VGLL3: variants seen among roughly 807,000 people sequenced by gnomAD.
VGLL3 encodes transcription cofactor vestigial-like protein 3.
In VGLL3, 18 loss-of-function variants were observed where a neutral mutation model predicts 29.2. That is an observed-to-expected ratio of 0.62 (90% CI 0.43 to 0.91). VGLL3 has a LOEUF of 0.91. VGLL3 is among the 40% of genes least tolerant of loss of function. The pLI, the probability that VGLL3 is intolerant of heterozygous loss-of-function variation, is 0.00. For synonymous variants in VGLL3, 180 were observed against 151.8 expected (o/e 1.19, Z -1.36); for missense variants, 440 against 413.2 (o/e 1.06, Z -0.56).
At chr3:86,972,659 G>A (rs1488979449) in intron 2 of VGLL3, among the ~76,000 whole-genome samples, 1 of 152,036 alleles carries the variant, frequency 6.6e-6, no homozygotes, top group Non-Finnish European at 1.5e-5. Context: ...AAAACTGCAT[G>A]GGCTATTTCT....
intron 1 of VGLL3, among the ~76,000 whole-genome samples, chr3:86,979,776 T>C (rs1427348086): frequency 3.9e-5 from 6 of 152,070 alleles, no homozygotes; most frequent in African/African-American, 1.4e-4. Context: ...GACATGTGTG[T>C]GCATATATAT....
rs539720444 is a variant in VGLL3, at chr3:86,987,239, G to A, written c.126+3379C>T. ...CCAGGGCTTTTTTCTCTGACAAACC[G>A]AATTGCAGAACAATTTTATGACTCA... On this transcript the variant is annotated intron_variant, in intron 1 of 3. Transcript: ENST00000398399. Among the ~76,000 whole-genome samples the A allele has an allele frequency of 9.9e-5, 15 of 152,152 alleles. No homozygotes were observed. In the East Asian group the frequency reaches 2.5e-3, roughly 25 times the overall value.
rs555039543 is a variant in VGLL3, at chr3:86,950,247, GA to G, written c.938-3181del. On this transcript the variant is annotated intron_variant, in intron 3 of 3. Transcript: ENST00000398399. ...GACTGTGAGATTTTTCAGTAGAAAG[GA>G]AAAAAAATCATAAAAATGAAGTGAC... is the stretch of plus-strand genomic sequence containing the variant. Among the ~76,000 whole-genome samples the G allele has an allele frequency of 6.6e-5, 10 of 151,592 alleles. 1 individual carries two copies. Among genetic ancestry groups the G allele is most frequent in the Non-Finnish European group, 1.0e-4 (7 of 67,878 alleles).
At chr3:86,962,603 C>T in intron 3 of VGLL3, 1 of 955,684 alleles carries the variant, frequency 1.0e-6, no homozygotes, top group Non-Finnish European at 1.2e-6. Context: ...CATATATATG[C>T]TCTTTGAAAA....
chr3:86,984,118 A>G (rs1466933796), intron 1 of VGLL3, among the ~76,000 whole-genome samples: 7 of 152,212 alleles, frequency 4.6e-5, no homozygotes, highest in Non-Finnish European at 8.8e-5. Context: ...AGATTAAACA[A>G]TGTCATGCTT....
rs1347546869 is a variant in VGLL3, at chr3:86,969,093, C to T, written c.434G>A (p.Ser145Asn). The change falls in exon 3 of 4, where the codon AGT becomes AAT. Residue 145 changes from serine (S) to asparagine (N), a missense_variant. By Grantham distance (46) the Ser-to-Asn change is conservative. Transcript: ENST00000398399. ...DSSALSSQRN[S>N]FPTSFWTSSY... ...GCTGGTCCAAAAGGAAGTTGGGAAA[C>T]TATTCCGCTGGCTTGAGAGAGCTGA... 4.4e-6 allele frequency: 7 copies of T among 1,606,560 alleles called. No individual in the cohort carries two copies. In the African/African-American group the frequency reaches 8.0e-5, roughly 18 times the overall value.
intron 3 of VGLL3, among the ~76,000 whole-genome samples, chr3:86,955,874 A>G (rs2106977169): frequency 6.6e-6 from 1 of 152,354 alleles, no homozygotes; most frequent in African/African-American, 2.4e-5. Flanking sequence ...TGTTAAAAAA[A>G]TTATGAATTA....
In VGLL3 at chr3:86,956,795, A is replaced by C. The variant is rs1350887482; in HGVS notation, c.938-9728T>G. Among the ~76,000 whole-genome samples the C allele has an allele frequency of 1.5e-3, 135 of 88,412 alleles. 1 individual carries two copies. The highest frequency in any genetic ancestry group is 3.8e-3 in the Non-Finnish European group (122 of 31,712). The allele number at this position is 88,412 out of a possible 152,430, so 58.0% of individuals were successfully genotyped here. On this transcript the variant is annotated intron_variant, in intron 3 of 3. Transcript: ENST00000398399. ...GCGAGACTCCGTCCCACCGTCCCAA[A>C]AAAAAAAAAAAAAAAAAAGAAAGAA...
At chr3:86,971,902 C>T (rs1357953332) in intron 2 of VGLL3, among the ~76,000 whole-genome samples, 1 of 152,220 alleles carries the variant, frequency 6.6e-6, no homozygotes, top group African/African-American at 2.4e-5. Context: ...CCAAAGCCTT[C>T]ATTCTGCTCC....
rs1194729577 is a variant in VGLL3, at chr3:86,946,144, G to A, written c.*880C>T. 6.6e-6 allele frequency: 1 copy of A among 152,040 alleles called. No homozygotes were observed. The highest frequency in any genetic ancestry group is 1.9e-4 in the East Asian group (1 of 5,192). The allele number at this position is 152,040 out of a possible 1,614,324, so 9.4% of individuals were successfully genotyped here. ...GGTTCCATTTATCAAATTTGGATGG[G>A]CTAGAAAGAGAATTAGTCTCCTCTA... On this transcript the variant is annotated 3_prime_UTR_variant, in exon 4 of 4. Transcript: ENST00000398399.
intron 3 of VGLL3, among the ~76,000 whole-genome samples, chr3:86,953,993 C>T (rs1351494721): frequency 6.6e-6 from 1 of 152,092 alleles, no homozygotes; most frequent in Non-Finnish European, 1.5e-5. Flanking sequence ...CTTATAATTA[C>T]AATTCTTGCA....
chr3:86,978,368 G>T (rs541423917), intron 2 of VGLL3, among the ~76,000 whole-genome samples, 158 bp downstream of exon 2: 1 of 152,266 alleles, frequency 6.6e-6, no homozygotes, highest in African/African-American at 2.4e-5. Context: ...TGACAAAACC[G>T]ATCCAGCTGT....
At chr3:86,953,583 C>G (rs559022168) in intron 3 of VGLL3, among the ~76,000 whole-genome samples, 76 of 151,832 alleles carry the variant, frequency 5.0e-4, no homozygotes, top group African/African-American at 1.8e-3. Flanking sequence ...AAGTTTGTAC[C>G]CATATTTATA....
At chr3:86,969,144 A>G (rs756644400) in intron 2 of VGLL3, 21 bp from the exon 3 acceptor site, 1 of 1,537,232 alleles carries the variant, frequency 6.5e-7, no homozygotes, top group East Asian at 2.3e-5. Context: ...AGAAAATAAA[A>G]AACATTATTA....
In VGLL3 at chr3:86,939,636, C is replaced by T. The variant is rs946839445; in HGVS notation, c.*7388G>A. 3.3e-5 allele frequency: 5 copies of T among 152,832 alleles called. No individual in the cohort carries two copies. Among genetic ancestry groups the T allele is most frequent in the Non-Finnish European group, 7.3e-5 (5 of 68,748 alleles). The allele number at this position is 152,832 out of a possible 1,614,324, so 9.5% of individuals were successfully genotyped here. Reference sequence around the variant, plus strand: ...AAGACTCCATCAAAACAAAACAAAACAAAACAAAACAAAAAAACAAAACAG... The same window carrying T: ...AAGACTCCATCAAAACAAAACAAAATAAAACAAAACAAAAAAACAAAACAG... On this transcript the variant is annotated 3_prime_UTR_variant, in exon 4 of 4. Coordinates refer to ENST00000398399, the MANE Select transcript of VGLL3 (RefSeq NM_016206.4).
intron 3 of VGLL3, among the ~76,000 whole-genome samples, chr3:86,950,651 T>A (rs1000425863): frequency 6.6e-6 from 1 of 152,160 alleles, no homozygotes; most frequent in Non-Finnish European, 1.5e-5. Flanking sequence ...CCCTCAGGGA[T>A]TTTTTAAAAA....
rs1334619814 is a variant in VGLL3 at position 86,944,983 on chromosome 3, AT to A, written c.*2040del. ...AAATCCAGATTTATAAATTCACTAA[AT>A]TTTGTGCTCCATGTATTTGGGCAAA... On this transcript the variant is annotated 3_prime_UTR_variant, in exon 4 of 4. Transcript: ENST00000398399. The A allele has an allele frequency of 6.6e-6, 1 of 152,168 alleles. No individual in the cohort carries two copies. The highest frequency in any genetic ancestry group is 6.5e-5 in the Admixed American group (1 of 15,268). The allele number at this position is 152,168 out of a possible 1,614,324, so 9.4% of individuals were successfully genotyped here. A position where few individuals can be genotyped will look rare whatever the true frequency, so the allele number is the denominator to read the frequency against.
chr3:86,949,603 G>A (rs1024723458), intron 3 of VGLL3, among the ~76,000 whole-genome samples: 14 of 151,888 alleles, frequency 9.2e-5, no homozygotes, highest in Admixed American at 3.9e-4. Context: ...GAGGCGGGCG[G>A]ATCACGAGGT....
chr3:86,970,074 C>A (rs1479783583), intron 2 of VGLL3, among the ~76,000 whole-genome samples: 1 of 152,022 alleles, frequency 6.6e-6, no homozygotes, highest in Non-Finnish European at 1.5e-5. Flanking sequence ...GGAGGAAATT[C>A]AAGTAGAAGT....
Sources: allele counts gnomAD v4.1 joint callset (sites outside exome capture counted in the v4.1 genomes callset), GRCh38; gene constraint gnomAD v4.1.1; transcripts MANE v1.5; gene names NCBI Gene and HGNC (gene_info 2026-07-23, HGNC 2026-07-21).